NECAP2: variants seen among roughly 807,000 people sequenced by gnomAD.
The protein encoded by NECAP2 is adaptin ear-binding coat-associated protein 2.
NECAP2 carries 38 observed loss-of-function variants against 37.8 expected under a neutral mutation model. The ratio of observed to expected loss-of-function variants is 1.01; its 90% CI spans 0.78 to 1.32. The LOEUF is 1.32. NECAP2 is among the 40% of genes most tolerant of loss of function. The pLI is 0.00. For missense variants in NECAP2, 316 were observed against 334.5 expected (o/e 0.94, Z 0.43); for synonymous variants, 121 against 127.7 (o/e 0.95, Z 0.35).
At chr1:16,451,626 G>T (rs1256276805) in intron 5 of NECAP2, 3 of 595,266 alleles carry the variant, frequency 5.0e-6, no homozygotes, top group Admixed American at 3.2e-5. Flanking sequence ...TGAAGTGGGG[G>T]TGCTGGGTTT....
chr1:16,456,687 A>G (rs763709447), intron 7 of NECAP2, among the ~76,000 whole-genome samples: 1 of 152,166 alleles, frequency 6.6e-6, no homozygotes, highest in Admixed American at 6.5e-5. Flanking sequence ...CTACTGCACT[A>G]TTATTTACAT....
In NECAP2 at chr1:16,459,956, A is replaced by G. The variant is rs2086991106; in HGVS notation, c.*1066A>G. The G allele has an allele frequency of 6.6e-6, 1 of 152,198 alleles. No individual in the cohort carries two copies. Among genetic ancestry groups the G allele is most frequent in the Non-Finnish European group, 1.5e-5 (1 of 68,032 alleles). The allele number at this position is 152,198 out of a possible 1,614,324, so 9.4% of individuals were successfully genotyped here. A position where few individuals can be genotyped will look rare whatever the true frequency, so the allele number is the denominator to read the frequency against. On this transcript the variant is annotated 3_prime_UTR_variant, in exon 8 of 8. Coordinates refer to ENST00000337132, the MANE Select transcript of NECAP2 (RefSeq NM_018090.5). ...TGAAAGCACCTCTGACATTCCTTTT[A>G]TTAACTCACCTCTCAGTTGAAAGAT...
chr1:16,456,967 G>A (rs1446611262), intron 7 of NECAP2, among the ~76,000 whole-genome samples: 1 of 152,154 alleles, frequency 6.6e-6, no homozygotes, highest in African/African-American at 2.4e-5. Flanking sequence ...CTCCCAGAGT[G>A]CTGGGATTAT....
At position 16,459,076 on chromosome 1, in the gene NECAP2, T is replaced by G; in HGVS notation, c.*186T>G. On this transcript the variant is annotated 3_prime_UTR_variant, in exon 8 of 8. Coordinates refer to ENST00000337132, the MANE Select transcript of NECAP2 (RefSeq NM_018090.5). The stretch of plus-strand genomic sequence containing the variant: ...TAAATTGGCACCGTGTCACACTGTT[T>G]CCTGGGATTCAAGTATGCAACCAGA... The G allele has an allele frequency of 7.3e-7, 1 of 1,373,408 alleles. No homozygotes were observed. Among genetic ancestry groups the G allele is most frequent in the South Asian group, 1.4e-5 (1 of 70,684 alleles). 85.1% of individuals were successfully genotyped at this position (1,373,408 alleles called of 1,614,324 possible).
chr1:16,455,919 G>C, intron 7 of NECAP2, 26 bp downstream of exon 7: 1 of 1,592,766 alleles, frequency 6.3e-7, no homozygotes, highest in Non-Finnish European at 8.6e-7. Flanking sequence ...TTCTGCGGAG[G>C]GGCTGGGGCC....
intron 1 of NECAP2, among the ~76,000 whole-genome samples, chr1:16,443,000 C>T (rs538225641): frequency 1.3e-5 from 2 of 152,242 alleles, no homozygotes; most frequent in African/African-American, 4.8e-5. Flanking sequence ...ATTCACTTTT[C>T]TCACATGTAC....
At chr1:16,457,924 T>C (rs987556294) in intron 7 of NECAP2, among the ~76,000 whole-genome samples, 3 of 152,022 alleles carry the variant, frequency 2.0e-5, no homozygotes, top group Non-Finnish European at 4.4e-5. Flanking sequence ...TTGCCCAGGC[T>C]GGTCTGGAAC....
At chr1:16,447,399 C>T (rs963643865) in intron 2 of NECAP2, among the ~76,000 whole-genome samples, 2 of 152,162 alleles carry the variant, frequency 1.3e-5, no homozygotes, top group Non-Finnish European at 2.9e-5. Context: ...AAACTTCCTC[C>T]CTTCTTTCCT....
In NECAP2 at chr1:16,440,808, T is replaced by G. The variant is rs951608730; in HGVS notation, c.47T>G (p.Val16Gly). ...YESVLCVKPD[V>G]HVYRIPPRAT... ...TCGGTGCTCTGTGTCAAGCCTGACG[T>G]CCACGTCTACCGCATCCCTCCGCGG... is the stretch of plus-strand genomic sequence containing the variant. The change falls in exon 1 of 8, where the codon GTC becomes GGC. Residue 16 changes from valine to glycine, a missense_variant. Physicochemically the swap from Val to Gly is moderately radical, Grantham distance 109. Around this residue, in one of 3 missense-constraint regions of NECAP2, gnomAD observed 31 missense variants for 21.7 expected, o/e 1.43. Coordinates refer to ENST00000337132, the MANE Select transcript of NECAP2 (RefSeq NM_018090.5). 5.6e-6 allele frequency: 9 copies of G among 1,614,054 alleles called. No homozygotes were observed. The highest frequency in any genetic ancestry group is 6.8e-6 in the Non-Finnish European group (8 of 1,180,034).
At position 16,447,922 on chromosome 1, in the gene NECAP2, G is replaced by C. The variant is rs575174797; in HGVS notation, c.246G>C (p.Glu82Asp). The C allele has an allele frequency of 2.5e-6, 4 of 1,614,162 alleles. No homozygotes were observed. The highest frequency in any genetic ancestry group is 3.4e-6 in the Non-Finnish European group (4 of 1,180,034). ...PVDQFPGTAV[E>D]SVTDSSRYFV... ...ATCAGTTTCCTGGCACAGCTGTGGAGAGTGTGACGGATTCCAGCAGGTACT... is the reference window on the plus strand; with the variant it reads ...ATCAGTTTCCTGGCACAGCTGTGGACAGTGTGACGGATTCCAGCAGGTACT... Residue 82 changes from glutamate (E) to aspartate (D), a missense_variant, in exon 3 of 8, where the codon GAG becomes GAC. Physicochemically the swap from Glu to Asp is conservative, Grantham distance 45 (BLOSUM62 2). Coordinates refer to ENST00000337132, the MANE Select transcript of NECAP2 (RefSeq NM_018090.5).
At chr1:16,448,623 C>T (rs900832972) in intron 4 of NECAP2, among the ~76,000 whole-genome samples, 7 of 152,164 alleles carry the variant, frequency 4.6e-5, no homozygotes, top group Non-Finnish European at 7.4e-5. Context: ...CTTCCCTTAC[C>T]GGTGCTGCTG....
At position 16,448,118 on chromosome 1, in the gene NECAP2, T is replaced by C; in HGVS notation, c.357T>C (p.Asn119=). 6.2e-7 allele frequency: 1 copy of C among 1,614,148 alleles called. No individual in the cohort carries two copies. The highest frequency in any genetic ancestry group is 8.5e-7 in the Non-Finnish European group (1 of 1,180,012). The change falls in exon 4 of 8, where the codon AAT becomes AAC. Residue 119 remains asparagine (N), a synonymous_variant. Transcript: ENST00000337132. ...ACCGAGGTGATGCCTTTGACTTCAATGTTGCATTGCAGGACCATTTCAAGT... is the reference window on the plus strand; with the variant it reads ...ACCGAGGTGATGCCTTTGACTTCAACGTTGCATTGCAGGACCATTTCAAGT... ...FGDRGDAFDF[N]VALQDHFKWV...
chr1:16,441,965 A>T (rs2086695867), intron 1 of NECAP2, among the ~76,000 whole-genome samples: 1 of 150,500 alleles, frequency 6.6e-6, no homozygotes. Flanking sequence ...GTCTAGCCCC[A>T]TCTCCTGTTG....
intron 1 of NECAP2, among the ~76,000 whole-genome samples, chr1:16,442,348 A>G (rs2086702015): frequency 6.6e-6 from 1 of 152,116 alleles, no homozygotes; most frequent in African/African-American, 2.4e-5. Context: ...ATGAATTGTC[A>G]GGGCTGGCTG....
At chr1:16,452,127 C>A (rs891670627) in intron 6 of NECAP2, 112 bp downstream of exon 6, 2 of 1,103,402 alleles carry the variant, frequency 1.8e-6, no homozygotes, top group Non-Finnish European at 2.6e-6. Flanking sequence ...TCATGTAGTA[C>A]CTGTCCGTGT....
In NECAP2 at chr1:16,448,131, G is replaced by T. The variant is rs768020577; in HGVS notation, c.370G>T (p.Asp124Tyr). The T allele has an allele frequency of 1.9e-6, 3 of 1,613,974 alleles. No homozygotes were observed. The highest frequency in any genetic ancestry group is 2.5e-6 in the Non-Finnish European group (3 of 1,179,914). Reference sequence around the variant, plus strand: ...CTTTGACTTCAATGTTGCATTGCAGGACCATTTCAAGTGAGTGGGTCTGGG... The same window carrying T: ...CTTTGACTTCAATGTTGCATTGCAGTACCATTTCAAGTGAGTGGGTCTGGG... ...DAFDFNVALQ[D>Y]HFKWVKQQCE... The change falls in exon 4 of 8, where the codon GAC becomes TAC. Residue 124 changes from aspartate to tyrosine, a missense_variant. This residue lies in a region of NECAP2 where 204 missense variants were observed against 188.6 expected (regional missense o/e 1.08). Transcript: ENST00000337132.
At chr1:16,458,723 T>C in intron 7 of NECAP2, 119 bp from the exon 8 acceptor site, 1 of 1,028,288 alleles carries the variant, frequency 9.7e-7, no homozygotes, top group Admixed American at 2.2e-5. Flanking sequence ...ACTGCTGCTC[T>C]AGAACATTTA....
At chr1:16,455,463 A>G (rs1192232358) in intron 6 of NECAP2, 2 of 232,532 alleles carry the variant, frequency 8.6e-6, no homozygotes, top group South Asian at 8.4e-5. Flanking sequence ...GACGGGTTAT[A>G]GTAAATTTTA....
At chr1:16,456,854 A>G (rs527381419) in intron 7 of NECAP2, among the ~76,000 whole-genome samples, 6 of 151,936 alleles carry the variant, frequency 3.9e-5, no homozygotes, top group African/African-American at 1.4e-4. Context: ...GGTGCACATC[A>G]CCATGCCAGC....
Sources: allele counts gnomAD v4.1 joint callset (sites outside exome capture counted in the v4.1 genomes callset), GRCh38; gene constraint gnomAD v4.1.1; regional missense constraint gnomAD v4.1.1; transcripts MANE v1.5; gene names NCBI Gene and HGNC (gene_info 2026-07-23, HGNC 2026-07-21).